The following RASEF variants were observed in gnomAD, a reference collection of about 807,000 sequenced individuals.
The protein encoded by RASEF is RAS and EF-hand domain containing, also known as ras and EF-hand domain-containing protein.
Under a neutral mutation model 90.1 loss-of-function variants are expected in RASEF, and 68 were observed. That is an observed-to-expected ratio of 0.75 (90% CI 0.62 to 0.92). The LOEUF (loss-of-function observed/expected upper bound fraction) is 0.92, where lower values mean the gene tolerates loss of function less well. RASEF is among the 40% of genes least tolerant of loss of function. The pLI, the probability that RASEF is intolerant of heterozygous loss-of-function variation, is 0.00. For synonymous variants in RASEF, 331 were observed against 345.2 expected (o/e 0.96, Z 0.46); for missense variants, 949 against 937.2 (o/e 1.01, Z -0.16).
At chr9:83,092,663 T>C in the RASEF span, among the ~76,000 whole-genome samples, 1 of 152,148 alleles carries the variant, frequency 6.6e-6, no homozygotes, top group African/African-American at 2.4e-5. Flanking sequence ...GCTTCCACTG[T>C]GTGGAAGGGG....
chr9:83,168,515 G>C, the RASEF span, among the ~76,000 whole-genome samples: 2 of 152,070 alleles, frequency 1.3e-5, no homozygotes, highest in Non-Finnish European at 2.9e-5. Context: ...AATCAACAAA[G>C]TGAAGAGACA....
the RASEF span, among the ~76,000 whole-genome samples, chr9:83,216,668 A>G: frequency 6.6e-6 from 1 of 152,194 alleles, no homozygotes; most frequent in African/African-American, 2.4e-5. Flanking sequence ...GAAGCCACTG[A>G]AGCCCCCACA....
the RASEF span, among the ~76,000 whole-genome samples, chr9:83,189,160 T>C: frequency 5.3e-3 from 808 of 152,316 alleles, 2 homozygotes; most frequent in Non-Finnish European, 8.3e-3. Context: ...GGTAATTGAA[T>C]CATGGGGGCA....
chr9:83,000,638 G>A (rs1829015600), intron 10 of RASEF, 68 bp from the exon 11 acceptor site: 5 of 1,400,184 alleles, frequency 3.6e-6, no homozygotes, highest in Non-Finnish European at 2.9e-6. Context: ...AGTCTAAAAT[G>A]TATACATTAT....
chr9:83,181,718 C>T, the RASEF span, among the ~76,000 whole-genome samples: 3 of 152,254 alleles, frequency 2.0e-5, no homozygotes, highest in Non-Finnish European at 4.4e-5. Flanking sequence ...CTCACTCTTA[C>T]TTTCCTTTTG....
chr9:83,099,205 T>C, the RASEF span, among the ~76,000 whole-genome samples: 1 of 152,236 alleles, frequency 6.6e-6, no homozygotes, highest in Non-Finnish European at 1.5e-5. Context: ...CACATATATA[T>C]ACTTATGCTC....
chr9:83,083,880 T>G, the RASEF span, among the ~76,000 whole-genome samples: 897 of 152,272 alleles, frequency 5.9e-3, 5 homozygotes, highest in Middle Eastern at 0.051. Flanking sequence ...TAATTCTATT[T>G]CTAGGGCTTT....
chr9:83,178,318 T>C, the RASEF span, among the ~76,000 whole-genome samples: 1 of 152,162 alleles, frequency 6.6e-6, no homozygotes, highest in African/African-American at 2.4e-5. Context: ...TAGTTCTTGC[T>C]TCTCTCTTCT....
chr9:83,111,337 G>A, the RASEF span, among the ~76,000 whole-genome samples: 1 of 152,140 alleles, frequency 6.6e-6, no homozygotes. Context: ...GTGGTTACCA[G>A]GGTTTGAGAG....
the RASEF span, among the ~76,000 whole-genome samples, chr9:83,193,412 C>T: frequency 6.6e-6 from 1 of 152,176 alleles, no homozygotes; most frequent in Non-Finnish European, 1.5e-5. Context: ...ATCTTTTCCC[C>T]AGTATCACTA....
the RASEF span, among the ~76,000 whole-genome samples, chr9:83,134,407 AGC>A: frequency 0.089 from 7,364 of 82,680 alleles, 201 homozygotes; most frequent in African/African-American, 0.15. Context: ...TGATCACAAT[AGC>A]GCACACACAC....
the RASEF span, among the ~76,000 whole-genome samples, chr9:83,107,544 C>T: frequency 2.6e-5 from 4 of 152,160 alleles, no homozygotes; most frequent in African/African-American, 9.7e-5. Context: ...CAATTCATGC[C>T]AAGCCGGTTT....
At chr9:83,086,801 G>C in the RASEF span, among the ~76,000 whole-genome samples, 1 of 152,172 alleles carries the variant, frequency 6.6e-6, no homozygotes, top group Non-Finnish European at 1.5e-5. Context: ...AGTGATGAGA[G>C]AGAGAGAAAG....
chr9:83,117,054 G>C, the RASEF span, among the ~76,000 whole-genome samples: 4 of 152,264 alleles, frequency 2.6e-5, no homozygotes, highest in Non-Finnish European at 5.9e-5. Context: ...AAAATTATAA[G>C]GAAGAGAGTC....
chr9:83,106,898 G>A, the RASEF span, among the ~76,000 whole-genome samples: 1 of 151,812 alleles, frequency 6.6e-6, no homozygotes, highest in African/African-American at 2.4e-5. Context: ...CGATAATCTG[G>A]CCAGTATCCC....
At chr9:83,034,503 A>C (rs1829704239) in intron 1 of RASEF, among the ~76,000 whole-genome samples, 1 of 152,260 alleles carries the variant, frequency 6.6e-6, no homozygotes, top group African/African-American at 2.4e-5. Context: ...AAAGATATTA[A>C]AACGGAAATT....
At chr9:83,107,707 T>C in the RASEF span, among the ~76,000 whole-genome samples, 1,422 of 152,290 alleles carry the variant, frequency 9.3e-3, 17 homozygotes, top group African/African-American at 0.033. Context: ...TTCTCCTCTT[T>C]GTATTTAAAC....
chr9:82,994,865 C>T (rs1236723705), intron 14 of RASEF, among the ~76,000 whole-genome samples: 3 of 152,136 alleles, frequency 2.0e-5, no homozygotes, highest in Non-Finnish European at 4.4e-5. Flanking sequence ...GTCTGTTCAC[C>T]GCTGACAGTC....
the RASEF span, among the ~76,000 whole-genome samples, chr9:83,160,282 T>G: frequency 2.0e-5 from 3 of 152,174 alleles, no homozygotes; most frequent in Non-Finnish European, 4.4e-5. Context: ...TGAATGACTT[T>G]GACCAAAATC....
Sources: gnomAD v4.1 joint callset for allele counts (sites outside exome capture counted in the v4.1 genomes callset) on GRCh38, gnomAD v4.1.1 for gene constraint, MANE v1.5 for transcripts, NCBI Gene and HGNC (gene_info 2026-07-23, HGNC 2026-07-21) for gene names.